The following RBFOX1 variants were observed in gnomAD, a reference collection of about 807,000 sequenced individuals.
RBFOX1 encodes the protein RNA binding fox-1 homolog 1, also known as RNA binding protein fox-1 homolog 1.
RBFOX1 carries 8 observed loss-of-function variants against 57.7 expected under a neutral mutation model. The ratio of observed to expected loss-of-function variants is 0.14; its 90% CI spans 0.08 to 0.25. The LOEUF is 0.25. Among genes scored for constraint, RBFOX1 ranks in the 10% least tolerant of loss-of-function variants. RBFOX1 has a pLI of 1.00. For synonymous variants in RBFOX1, 326 were observed against 222.4 expected, an observed-to-expected ratio of 1.47 and a Z score of -4.15; for missense variants, 611 against 548.5, an observed-to-expected ratio of 1.11 and a Z score of -1.14.
In RBFOX1 at chr16:7,467,931, G is replaced by C. The variant is rs566796615; in HGVS notation, c.28-50216G>C. 7.9e-5 allele frequency among the ~76,000 whole-genome samples: 12 copies of C among 152,312 alleles called. 1 individual carries two copies. The highest frequency in any genetic ancestry group is 1.2e-4 in the Non-Finnish European group (8 of 68,028). On this transcript the variant is annotated intron_variant, in intron 4 of 15. Transcript: ENST00000550418. ...ACTTGACTTGGTATGTCCATCATTT[G>C]TACATTTTGGATAACAGGTTATTGC...
intron 2 of RBFOX1, among the ~76,000 whole-genome samples, chr16:5,559,523 G>C (rs2045811166): frequency 6.6e-6 from 1 of 152,302 alleles, no homozygotes; most frequent in South Asian, 2.1e-4. Flanking sequence ...GGCCTGTCAG[G>C]ATCGGGCCTT....
At chr16:6,545,182 A>G (rs1300213032) in intron 2 of RBFOX1, among the ~76,000 whole-genome samples, 1 of 152,180 alleles carries the variant, frequency 6.6e-6, no homozygotes, top group Non-Finnish European at 1.5e-5. Flanking sequence ...CCGCATCTGG[A>G]CTACAAGCCT....
chr16:7,022,438 C>T (rs1434754502), intron 3 of RBFOX1, among the ~76,000 whole-genome samples: 1 of 152,030 alleles, frequency 6.6e-6, no homozygotes, highest in African/African-American at 2.4e-5. Context: ...TCATGCCCCA[C>T]ATTTCCCTCT....
At chr16:5,305,292 A>C (rs2063905880) in intron 1 of RBFOX1, among the ~76,000 whole-genome samples, 1 of 152,140 alleles carries the variant, frequency 6.6e-6, no homozygotes, top group Non-Finnish European at 1.5e-5. Context: ...TGAGCCTGGC[A>C]CCACACAGGC....
intron 3 of RBFOX1, among the ~76,000 whole-genome samples, chr16:5,755,640 C>T (rs528623275): frequency 6.6e-6 from 1 of 152,256 alleles, no homozygotes; most frequent in South Asian, 2.1e-4. Flanking sequence ...CTCTTGTTGC[C>T]TAGGCTAGAG....
chr16:7,173,846 T>C (rs556982500), intron 4 of RBFOX1, among the ~76,000 whole-genome samples: 2 of 152,346 alleles, frequency 1.3e-5, no homozygotes, highest in South Asian at 2.1e-4. Flanking sequence ...TACTGTGACG[T>C]TGAATCATAA....
chr16:6,742,952 T>C (rs567483009), intron 3 of RBFOX1, among the ~76,000 whole-genome samples: 2 of 152,188 alleles, frequency 1.3e-5, no homozygotes, highest in Admixed American at 6.5e-5. Flanking sequence ...GTTAAACTTA[T>C]ACAAACACAC....
chr16:6,435,048 C>T (rs1473161619), intron 2 of RBFOX1, among the ~76,000 whole-genome samples: 3 of 152,208 alleles, frequency 2.0e-5, no homozygotes, highest in Non-Finnish European at 4.4e-5. Context: ...AGCCCACATT[C>T]CTCATTAATT....
At chr16:5,350,135 C>T (rs925180458) in intron 1 of RBFOX1, among the ~76,000 whole-genome samples, 8 of 152,100 alleles carry the variant, frequency 5.3e-5, no homozygotes. Flanking sequence ...GGTTTCGGTT[C>T]CCTGCATGTG....
At chr16:6,961,905 T>A (rs1262344128) in intron 3 of RBFOX1, among the ~76,000 whole-genome samples, 1 of 152,138 alleles carries the variant, frequency 6.6e-6, no homozygotes, top group African/African-American at 2.4e-5. Flanking sequence ...CACATCCTGT[T>A]TTATCAGCAG....
intron 2 of RBFOX1, among the ~76,000 whole-genome samples, chr16:5,539,603 A>G (rs2044850569): frequency 6.6e-6 from 1 of 151,992 alleles, no homozygotes; most frequent in South Asian, 2.1e-4. Context: ...TCTCTCTCAA[A>G]AAAAATCCCA....
chr16:6,322,710 TCA>T (rs1250452049), intron 2 of RBFOX1, among the ~76,000 whole-genome samples: 1 of 152,164 alleles, frequency 6.6e-6, no homozygotes, highest in African/African-American at 2.4e-5. Context: ...CACAGTTCTC[TCA>T]CATGCAAAAT....
chr16:6,533,310 A>C (rs1321676830), intron 2 of RBFOX1, among the ~76,000 whole-genome samples: 2 of 152,338 alleles, frequency 1.3e-5, no homozygotes, highest in East Asian at 3.9e-4. Context: ...AGAATGCAGT[A>C]TCATCAGGAA....
intron 3 of RBFOX1, among the ~76,000 whole-genome samples, chr16:6,989,545 A>T (rs976922511): frequency 1.3e-5 from 2 of 152,204 alleles, no homozygotes; most frequent in African/African-American, 4.8e-5. Flanking sequence ...TATACGTAGT[A>T]CCAGGGATGG....
At chr16:7,669,306 A>T (rs2070578426) in intron 13 of RBFOX1, among the ~76,000 whole-genome samples, 1 of 152,202 alleles carries the variant, frequency 6.6e-6, no homozygotes, top group South Asian at 2.1e-4. Context: ...TCTCAGAAAG[A>T]GACCAAAAAG....
chr16:5,725,249 A>G (rs1425790949), intron 3 of RBFOX1, among the ~76,000 whole-genome samples: 1 of 151,632 alleles, frequency 6.6e-6, no homozygotes, highest in Non-Finnish European at 1.5e-5. Flanking sequence ...ATTATTTTCT[A>G]TTTTTTTGTT....
intron 13 of RBFOX1, among the ~76,000 whole-genome samples, chr16:7,670,597 T>C (rs1053455956): frequency 6.6e-6 from 1 of 152,000 alleles, no homozygotes; most frequent in Admixed American, 6.6e-5. Flanking sequence ...AGCAGTGAAC[T>C]AGGAGCGAAA....
chr16:5,494,418 T>G (rs2042934387), intron 2 of RBFOX1, among the ~76,000 whole-genome samples: 1 of 152,198 alleles, frequency 6.6e-6, no homozygotes, highest in African/African-American at 2.4e-5. Flanking sequence ...ATCATGGCTT[T>G]CTTTTGCACA....
rs2059412522 is a variant in RBFOX1 at position 5,946,979 on chromosome 16, A to AAGT, written c.351+79647_351+79649dup. On this transcript the variant is annotated intron_variant, in intron 4 of 19. Transcript: ENST00000641259. This position sits in a 1 kb window ranked among gnomAD's most constrained non-coding sequence, Gnocchi z 4.6. ...GTAATCCTAGCACTTAGGGAGGCAG[A>AAGT]AGTAGGAGGATTGCTTGAGGCCAGG... 6.6e-6 allele frequency among the ~76,000 whole-genome samples: 1 copy of AAGT among 152,180 alleles called. No individual in the cohort carries two copies. Among genetic ancestry groups the AAGT allele is most frequent in the Non-Finnish European group, 1.5e-5 (1 of 68,022 alleles).
Sources: gnomAD v4.1 joint callset for allele counts (sites outside exome capture counted in the v4.1 genomes callset) on GRCh38, gnomAD v4.1.1 for gene constraint, Gnocchi (gnomAD v3.1) non-coding constraint, MANE v1.5 for transcripts, NCBI Gene and HGNC (gene_info 2026-07-23, HGNC 2026-07-21) for gene names.